Variants in NTNG1 observed in about 807,000 individuals in gnomAD.
The protein encoded by NTNG1 is netrin G1.
NTNG1 carries 16 observed loss-of-function variants against 54.0 expected under a neutral mutation model. The ratio of observed to expected loss-of-function variants is 0.30; its 90% CI spans 0.20 to 0.45. The LOEUF (loss-of-function observed/expected upper bound fraction) is 0.45. Ranked by LOEUF, NTNG1 falls within the 20% of genes least tolerant of loss-of-function variation. The pLI, the probability that NTNG1 is intolerant of heterozygous loss-of-function variation, is 1.00. For missense variants in NTNG1, 530 were observed against 678.7 expected (o/e 0.78, Z 2.43); for synonymous variants, 255 against 263.1 (o/e 0.97, Z 0.30).
chr1:107,387,059 T>C (rs1557955741), intron 3 of NTNG1, among the ~76,000 whole-genome samples: 1 of 152,250 alleles, frequency 6.6e-6, no homozygotes, highest in Non-Finnish European at 1.5e-5. Context: ...TCTTAAAATA[T>C]CTATTCAGAT....
intron 2 of NTNG1, among the ~76,000 whole-genome samples, chr1:107,281,495 C>T (rs1664857213): frequency 6.6e-6 from 1 of 151,998 alleles, no homozygotes. Flanking sequence ...TGAATCAGTT[C>T]ACAAATGTGT....
At chr1:107,405,617 C>T (rs1362600127) in intron 4 of NTNG1, among the ~76,000 whole-genome samples, 1 of 152,096 alleles carries the variant, frequency 6.6e-6, no homozygotes, top group Non-Finnish European at 1.5e-5. Flanking sequence ...CTTTGTTTTT[C>T]ATTGTATGGT....
At chr1:107,306,750 C>CAAAAAAAA (rs377083826) in intron 2 of NTNG1, among the ~76,000 whole-genome samples, 1 of 111,572 alleles carries the variant, frequency 9.0e-6, no homozygotes, top group African/African-American at 3.1e-5. Context: ...GACTCCATCG[C>CAAAAAAAA]AAAAAAAAAA....
chr1:107,274,615 A>T (rs1664348795), intron 2 of NTNG1, among the ~76,000 whole-genome samples: 1 of 152,186 alleles, frequency 6.6e-6, no homozygotes, highest in African/African-American at 2.4e-5. Context: ...TGTCCAGATG[A>T]AGAGAATGTG....
intron 7 of NTNG1, among the ~76,000 whole-genome samples, chr1:107,442,793 A>C (rs1008510989): frequency 6.6e-6 from 1 of 152,166 alleles, no homozygotes; most frequent in African/African-American, 2.4e-5. Flanking sequence ...TTCTTTGATG[A>C]AAGTTTTTTC....
intron 5 of NTNG1, among the ~76,000 whole-genome samples, chr1:107,420,144 T>C (rs571556836): frequency 2.0e-5 from 3 of 152,188 alleles, no homozygotes; most frequent in Admixed American, 6.6e-5. Context: ...AACAAGATTA[T>C]GCATTGTTCA....
chr1:107,480,955 T>C lies in NTNG1; in HGVS notation c.*115T>C. ...TACAGACACCCCCACTCAGACAGTG[T>C]ACAAACTAAGAAGGCCTAACTGAAC... On this transcript the variant is annotated 3_prime_UTR_variant, in exon 8 of 8. Transcript: ENST00000370068. The C allele has an allele frequency of 1.3e-6, 1 of 762,728 alleles. No homozygotes were observed. Among genetic ancestry groups the C allele is most frequent in the East Asian group, 2.7e-5 (1 of 36,776 alleles). The allele number at this position is 762,728 out of a possible 1,614,324, so 47.2% of individuals were successfully genotyped here. A position where few individuals can be genotyped will look rare whatever the true frequency, so the allele number is the denominator to read the frequency against.
chr1:107,296,900 C>CT (rs1261780913), intron 2 of NTNG1, among the ~76,000 whole-genome samples: 1 of 149,030 alleles, frequency 6.7e-6, no homozygotes, highest in Non-Finnish European at 1.5e-5. Context: ...CTTTACATGT[C>CT]TTACTTATTT....
intron 3 of NTNG1, among the ~76,000 whole-genome samples, chr1:107,376,808 C>A (rs141244564): frequency 6.6e-6 from 1 of 150,522 alleles, no homozygotes; most frequent in Non-Finnish European, 1.5e-5. Flanking sequence ...TCTTTTGCTG[C>A]CCCCCCAGCC....
At chr1:107,198,114 A>G (rs1198894585) in intron 2 of NTNG1, among the ~76,000 whole-genome samples, 6 of 152,036 alleles carry the variant, frequency 3.9e-5, no homozygotes, top group Non-Finnish European at 1.5e-5. Flanking sequence ...CAAATTCTAA[A>G]TAATGTGACA....
intron 2 of NTNG1, among the ~76,000 whole-genome samples, chr1:107,250,182 G>T (rs1662496990): frequency 6.6e-6 from 1 of 152,162 alleles, no homozygotes; most frequent in Non-Finnish European, 1.5e-5. Flanking sequence ...AACCAAAGAG[G>T]TCTCCAAAGT....
chr1:107,367,539 GATCCCTGTTGC>G (rs1467063574), intron 3 of NTNG1, among the ~76,000 whole-genome samples: 6 of 151,960 alleles, frequency 3.9e-5, no homozygotes, highest in Non-Finnish European at 8.8e-5. Context: ...TATGCCTGTG[GATCCCTGTTGC>G]ATCTTGGCAA....
chr1:107,160,506 A>G (rs181216970), intron 2 of NTNG1, among the ~76,000 whole-genome samples: 35 of 152,254 alleles, frequency 2.3e-4, no homozygotes, highest in African/African-American at 7.9e-4. Flanking sequence ...TCATTTATAT[A>G]CTATATAATA....
intron 5 of NTNG1, among the ~76,000 whole-genome samples, chr1:107,419,804 G>A (rs557365953): frequency 1.3e-5 from 2 of 152,076 alleles, no homozygotes; most frequent in South Asian, 4.1e-4. Flanking sequence ...TGGAAGGGCT[G>A]CATTTTCAGT....
intron 3 of NTNG1, among the ~76,000 whole-genome samples, chr1:107,349,145 A>T (rs561406874): frequency 1.3e-5 from 2 of 152,038 alleles, no homozygotes; most frequent in African/African-American, 4.8e-5. Flanking sequence ...CCTCTTCATG[A>T]GCTTCTAATT....
intron 3 of NTNG1, among the ~76,000 whole-genome samples, chr1:107,376,149 G>C (rs746929607): frequency 6.6e-6 from 1 of 152,108 alleles, no homozygotes; most frequent in Non-Finnish European, 1.5e-5. Context: ...GGCTGGGCGC[G>C]GTGGCTCACG....
At chr1:107,178,931 A>G (rs1656856418) in intron 2 of NTNG1, among the ~76,000 whole-genome samples, 1 of 152,188 alleles carries the variant, frequency 6.6e-6, no homozygotes, top group Non-Finnish European at 1.5e-5. Context: ...TTGGCTAGAG[A>G]AAGGAGCTGT....
intron 2 of NTNG1, among the ~76,000 whole-genome samples, chr1:107,236,803 C>T (rs975504107): frequency 2.0e-5 from 3 of 152,098 alleles, no homozygotes; most frequent in African/African-American, 7.2e-5. Flanking sequence ...GTGACTTGCT[C>T]CTCCTTGCCT....
At chr1:107,348,132 T>C (rs1570734013) in intron 3 of NTNG1, among the ~76,000 whole-genome samples, 1 of 151,858 alleles carries the variant, frequency 6.6e-6, no homozygotes, top group East Asian at 1.9e-4. Context: ...ATTATTATTA[T>C]TATTATTATT....
Sources: gnomAD v4.1 joint callset for allele counts (sites outside exome capture counted in the v4.1 genomes callset) on GRCh38, gnomAD v4.1.1 for gene constraint, MANE v1.5 for transcripts, NCBI Gene and HGNC (gene_info 2026-07-23, HGNC 2026-07-21) for gene names.